Variants in PPL observed in about 807,000 individuals in gnomAD.
PPL encodes the protein periplakin, also known as 190 kDa paraneoplastic pemphigus antigen.
Under a neutral mutation model 194.4 loss-of-function variants are expected in PPL, and 198 were observed. That is an observed-to-expected ratio of 1.02 (90% CI 0.91 to 1.15). PPL has a LOEUF of 1.15. Ranked by LOEUF, PPL falls within the 50% of genes most tolerant of loss-of-function variation. The pLI, the probability that PPL is intolerant of heterozygous loss-of-function variation, is 0.00. For missense variants in PPL, 2,885 were observed against 2,294.8 expected (o/e 1.26, Z -5.25); for synonymous variants, 1,220 against 972.4 (o/e 1.25, Z -4.74).
At chr16:4,899,556 A>G (rs924537527) in intron 6 of PPL, among the ~76,000 whole-genome samples, 172 bp from the exon 7 acceptor site, 1 of 27,224 alleles carries the variant, frequency 3.7e-5, no homozygotes, top group African/African-American at 7.5e-5. Flanking sequence ...CCCTTAGACA[A>G]GTCACCTGAA....
chr16:4,921,711 C>T (rs909030572), intron 1 of PPL, among the ~76,000 whole-genome samples: 3 of 152,192 alleles, frequency 2.0e-5, no homozygotes, highest in African/African-American at 7.2e-5. Context: ...AAGTGATCTG[C>T]CCGCCTCGGC....
intron 19 of PPL, 187 bp downstream of exon 19, chr16:4,888,791 G>A: frequency 1.6e-6 from 1 of 609,922 alleles, no homozygotes; most frequent in Non-Finnish European, 3.0e-6. Context: ...CCCTTTTACA[G>A]CATTCCATGT....
chr16:4,927,232 A>G (rs1269580496), intron 1 of PPL, among the ~76,000 whole-genome samples: 2 of 152,236 alleles, frequency 1.3e-5, no homozygotes, highest in African/African-American at 4.8e-5. Context: ...TGATACAGGA[A>G]GGTTGAGAAT....
chr16:4,897,854 C>T, intron 8 of PPL, 84 bp from the exon 9 acceptor site: 6 of 1,133,938 alleles, frequency 5.3e-6, no homozygotes, highest in African/African-American at 1.5e-5. Context: ...TGGGCTGGGG[C>T]ATGGCGGGGG....
intron 21 of PPL, 113 bp downstream of exon 21, chr16:4,887,022 A>G: frequency 1.1e-6 from 1 of 901,400 alleles, no homozygotes. Flanking sequence ...CTGCCCAGAA[A>G]CGTTAGCAAG....
At chr16:4,929,468 C>A (rs373207384) in intron 1 of PPL, among the ~76,000 whole-genome samples, 51 of 152,264 alleles carry the variant, frequency 3.3e-4, no homozygotes, top group African/African-American at 1.2e-3. Context: ...CACCCTTCAC[C>A]TAAACTGGAA....
intron 1 of PPL, among the ~76,000 whole-genome samples, chr16:4,934,017 C>T (rs2089260050): frequency 6.6e-6 from 1 of 152,240 alleles, no homozygotes; most frequent in South Asian, 2.1e-4. Context: ...TTATTCCCAT[C>T]CCACAGGTGA....
Position 4,885,467 on chromosome 16 carries a change from T to A in PPL, c.3188A>T (p.Asp1063Val). Residue 1063 changes from aspartate to valine, a missense_variant, in exon 22 of 22, where the codon GAC (aspartate) becomes GTC (valine). By Grantham distance (152) the Asp-to-Val change is radical. Coordinates refer to ENST00000345988, the MANE Select transcript of PPL (RefSeq NM_002705.5). This position sits in a 1 kb window ranked among gnomAD's most constrained non-coding sequence, Gnocchi z 6.3. ...CTGGTACTCTGCCTCCAGCTGGGGG[T>A]CATTCTGCAGTTTCACCACCTCTTT... ...TEKEVVKLQN[D>V]PQLEAEYQQL... 6.2e-7 allele frequency: 1 copy of A among 1,611,634 alleles called. No individual in the cohort carries two copies. Among genetic ancestry groups the A allele is most frequent in the South Asian group, 1.1e-5 (1 of 91,018 alleles).
intron 1 of PPL, among the ~76,000 whole-genome samples, chr16:4,931,168 A>G (rs373419400): frequency 6.6e-6 from 1 of 152,176 alleles, no homozygotes; most frequent in East Asian, 1.9e-4. Context: ...GTTCAGGACC[A>G]GAGTGGGCAA....
chr16:4,892,990 G>T, intron 14 of PPL: 1 of 538,482 alleles, frequency 1.9e-6, no homozygotes, highest in Non-Finnish European at 3.1e-6. Flanking sequence ...GACAAGCCGT[G>T]CAGGAACAAT....
At position 4,893,293 on chromosome 16, in the gene PPL, C is replaced by T. The variant is rs2088354528; in HGVS notation, c.1570G>A (p.Ala524Thr). ...VASDLDRQEK[A>T]ITGILRPPLE... ...GGTGGCCGCAGGATCCCTGTGATGGCCTTCTCCTGCCGGTCCAGGTCGCTG... is the reference window on the plus strand; with the variant it reads ...GGTGGCCGCAGGATCCCTGTGATGGTCTTCTCCTGCCGGTCCAGGTCGCTG... Residue 524 changes from alanine (A) to threonine (T), a missense_variant, in exon 14 of 22, where the codon GCC (alanine) becomes ACC (threonine). Transcript: ENST00000345988. 6 of 1,604,968 alleles carry T rather than the reference C, an allele frequency of 3.7e-6. No homozygotes were observed. The East Asian group carries it at 1.1e-4, about 30-fold the overall frequency.
At chr16:4,887,933 G>C (rs1054919916) in intron 20 of PPL, among the ~76,000 whole-genome samples, 169 bp downstream of exon 20, 5 of 152,160 alleles carry the variant, frequency 3.3e-5, no homozygotes, top group African/African-American at 1.2e-4. Flanking sequence ...CACTGCCCTA[G>C]AACAAGTTCC....
chr16:4,915,578 C>T (rs1368292990), intron 1 of PPL, among the ~76,000 whole-genome samples: 2 of 152,230 alleles, frequency 1.3e-5, no homozygotes, highest in Non-Finnish European at 2.9e-5. Context: ...CAGGGTCACA[C>T]AGCTGGTGAA....
At chr16:4,901,225 C>T in intron 4 of PPL, 136 bp from the exon 5 acceptor site, 2 of 917,554 alleles carry the variant, frequency 2.2e-6, no homozygotes, top group African/African-American at 3.3e-5. Context: ...CAAGGAGATG[C>T]TGGCCACACC....
In PPL at chr16:4,885,627, C is replaced by T. The variant is rs757041399; in HGVS notation, c.3028G>A (p.Val1010Ile). The change falls in exon 22 of 22, where the codon GTC becomes ATC. Residue 1010 changes from valine (V) to isoleucine (I), a missense_variant. Val to Ile is a conservative substitution (Grantham distance 29). Coordinates refer to ENST00000345988, the MANE Select transcript of PPL (RefSeq NM_002705.5). The surrounding 1 kb of genome is among the most constrained non-coding windows in gnomAD (Gnocchi z 6.3). Reference protein sequence around the residue: ...IEPDRAQADEVLQLREELEAL... With the variant: ...IEPDRAQADEILQLREELEAL... ...TCCAGCTCCTCCCGCAGCTGCAAGACCTCATCCGCCTGGGCCCTGTCAGGC... is the reference window on the plus strand; with the variant it reads ...TCCAGCTCCTCCCGCAGCTGCAAGATCTCATCCGCCTGGGCCCTGTCAGGC... The T allele has an allele frequency of 5.0e-6, 8 of 1,612,646 alleles. No individual in the cohort carries two copies. Among genetic ancestry groups the T allele is most frequent in the African/African-American group, 2.7e-5 (2 of 74,838 alleles).
Position 4,898,119 on chromosome 16 carries a change from T to G in PPL, c.877-349A>C, listed in dbSNP as rs531560081. On this transcript the variant is annotated intron_variant, in intron 8 of 21. Coordinates refer to ENST00000345988, the MANE Select transcript of PPL (RefSeq NM_002705.5). ...CTGGCCAGGCATGGTGGCTCACACC[T>G]GTAATCGCAGCACTTTGGGAGGCCG... Among the ~76,000 whole-genome samples the G allele has an allele frequency of 3.3e-5, 5 of 152,330 alleles. No individual in the cohort carries two copies. In the East Asian group the frequency reaches 9.6e-4, roughly 29 times the overall value.
At chr16:4,907,724 A>T (rs1010252530) in intron 2 of PPL, among the ~76,000 whole-genome samples, 4 of 151,886 alleles carry the variant, frequency 2.6e-5, no homozygotes, top group African/African-American at 9.7e-5. Context: ...CCCCTCAATT[A>T]AAAAAAATGG....
At chr16:4,891,196 A>G (rs1428230192) in intron 16 of PPL, among the ~76,000 whole-genome samples, 1 of 152,236 alleles carries the variant, frequency 6.6e-6, no homozygotes, top group Non-Finnish European at 1.5e-5. Flanking sequence ...CTGTCTGGTC[A>G]TGAGGCTGTG....
intron 8 of PPL, 150 bp downstream of exon 8, chr16:4,898,863 G>T: frequency 1.5e-6 from 1 of 653,378 alleles, no homozygotes; most frequent in Non-Finnish European, 2.7e-6. Flanking sequence ...AGGAGGCAGA[G>T]TCAGACACAG....
Sources: allele counts gnomAD v4.1 joint callset (sites outside exome capture counted in the v4.1 genomes callset), GRCh38; gene constraint gnomAD v4.1.1; non-coding constraint Gnocchi (gnomAD v3.1); transcripts MANE v1.5; gene names NCBI Gene and HGNC (gene_info 2026-07-23, HGNC 2026-07-21).